PFKL: variants seen among roughly 807,000 people sequenced by gnomAD.
PFKL encodes the protein ATP-dependent 6-phosphofructokinase, liver type.
Under a neutral mutation model 92.1 loss-of-function variants are expected in PFKL, and 74 were observed. The observed-to-expected ratio is 0.80, with a 90% confidence interval of 0.67 to 0.97. The LOEUF (loss-of-function observed/expected upper bound fraction) is 0.97, where lower values mean the gene tolerates loss of function less well. Among genes scored for constraint, PFKL ranks in the 50% least tolerant of loss-of-function variants. The pLI is 0.00. For synonymous variants in PFKL, 494 were observed against 456.4 expected, an observed-to-expected ratio of 1.08 and a Z score of -1.05; for missense variants, 1,028 against 1,116.6, an observed-to-expected ratio of 0.92 and a Z score of 1.13.
chr21:44,312,757 C>G lies in PFKL; in HGVS notation c.428-221C>G, dbSNP rs2047084382. ...ACCCTGATGTGAGGCCTTGGCCGCT[C>G]TGCAAGGCACCCCAGAGGTCCCCCG... On this transcript the variant is annotated intron_variant, in intron 4 of 21. Transcript: ENST00000349048. 2.0e-5 allele frequency among the ~76,000 whole-genome samples: 3 copies of G among 152,334 alleles called. No individual in the cohort carries two copies. In the South Asian group the frequency reaches 6.2e-4, roughly 32 times the overall value.
intron 7 of PFKL, chr21:44,314,859 C>T (rs896625818): frequency 2.0e-5 from 3 of 152,302 alleles, no homozygotes; most frequent in East Asian, 1.9e-4. Flanking sequence ...CTAGCTCTGT[C>T]CTCTGTGCGC....
At chr21:44,311,868 C>G (rs898027780) in intron 3 of PFKL, among the ~76,000 whole-genome samples, 5 of 152,198 alleles carry the variant, frequency 3.3e-5, no homozygotes, top group African/African-American at 9.7e-5. Context: ...CACTCTATTA[C>G]CTTGGGGCTT....
chr21:44,322,024 C>T, intron 13 of PFKL, 109 bp from the exon 14 acceptor site: 1 of 1,454,296 alleles, frequency 6.9e-7, no homozygotes, highest in Non-Finnish European at 9.3e-7. Context: ...CTCAGCTCTG[C>T]CTGCAGCGTG....
intron 12 of PFKL, 141 bp from the exon 13 acceptor site, chr21:44,321,588 G>T: frequency 2.8e-6 from 2 of 714,248 alleles, no homozygotes; most frequent in Non-Finnish European, 2.1e-6. Flanking sequence ...CAGGGCAGTT[G>T]GGCGGTGTGC....
Position 44,326,742 on chromosome 21 carries a change from G to C in PFKL, c.2223G>C (p.Trp741Cys). The change falls in exon 22 of 22, where the codon TGG becomes TGC. Residue 741 changes from tryptophan (W) to cysteine (C), a missense_variant. Transcript: ENST00000349048. ...FEHRMPREQW[W>C]LSLRLMLKML... Reference sequence around the variant, plus strand: ...ACCGCATGCCACGGGAGCAGTGGTGGCTGAGCCTGCGGCTCATGCTGAAGA... The same window carrying C: ...ACCGCATGCCACGGGAGCAGTGGTGCCTGAGCCTGCGGCTCATGCTGAAGA... The C allele has an allele frequency of 6.2e-7, 1 of 1,611,348 alleles. No homozygotes were observed. Among genetic ancestry groups the C allele is most frequent in the Non-Finnish European group, 8.5e-7 (1 of 1,179,290 alleles).
At chr21:44,311,167 CACAG>C in intron 3 of PFKL, 84 bp downstream of exon 3, 1 of 1,036,798 alleles carries the variant, frequency 9.6e-7, no homozygotes, top group Non-Finnish European at 1.4e-6. Context: ...CAGACACACA[CACAG>C]AGACAGACAC....
chr21:44,309,204 G>A (rs1007703429), intron 2 of PFKL, among the ~76,000 whole-genome samples: 1 of 152,116 alleles, frequency 6.6e-6, no homozygotes, highest in Non-Finnish European at 1.5e-5. Context: ...CAGGGAGACC[G>A]ATCCCTTCTC....
At chr21:44,326,429 G>C (rs1027723916) in intron 21 of PFKL, among the ~76,000 whole-genome samples, 165 bp downstream of exon 21, 1 of 152,188 alleles carries the variant, frequency 6.6e-6, no homozygotes, top group African/African-American at 2.4e-5. Flanking sequence ...CAGGGACCAT[G>C]CCCAAGTCTT....
chr21:44,306,491 G>C (rs2040947593), intron 1 of PFKL, among the ~76,000 whole-genome samples, 190 bp from the exon 2 acceptor site: 1 of 151,764 alleles, frequency 6.6e-6, no homozygotes, highest in Non-Finnish European at 1.5e-5. Flanking sequence ...AGATGGGGAG[G>C]GCGTCCGGGC....
chr21:44,303,228 G>A (rs1003409156), intron 1 of PFKL, among the ~76,000 whole-genome samples: 5 of 138,916 alleles, frequency 3.6e-5, no homozygotes, highest in African/African-American at 1.5e-4. Context: ...GCGAGACTCT[G>A]TTGCAAAAAA....
rs1354130432 is a variant in PFKL at position 44,326,932 on chromosome 21, C to T, written c.*70C>T. 2 of 1,431,332 alleles carry T rather than the reference C, an allele frequency of 1.4e-6. No individual in the cohort carries two copies. The highest frequency in any genetic ancestry group is 2.8e-5 in the African/African-American group (2 of 70,858). 88.7% of individuals were successfully genotyped at this position (1,431,332 alleles called of 1,614,324 possible). On this transcript the variant is annotated 3_prime_UTR_variant, in exon 22 of 22. Coordinates refer to ENST00000349048, the MANE Select transcript of PFKL (RefSeq NM_002626.6). ...CGCAGCGCCAGGGCTCAGATGGGGC[C>T]TGGGCTGTTGTGTCTGGAGCCTGCA... is the stretch of plus-strand genomic sequence containing the variant.
At chr21:44,304,407 C>T (rs1246458992) in intron 1 of PFKL, 37 of 1,254,498 alleles carry the variant, frequency 2.9e-5, no homozygotes, top group Admixed American at 5.3e-5. Flanking sequence ...GGCCTGGGTG[C>T]GCTGCTCCTG....
In PFKL at chr21:44,322,217, T is replaced by G. The variant is rs1295699790; in HGVS notation, c.1409+14T>G. On this transcript the variant is annotated intron_variant, in intron 14 of 21. Coordinates refer to ENST00000349048, the MANE Select transcript of PFKL (RefSeq NM_002626.6). ...GGGGACCAAGAGGTGAGCTGCCTGC[T>G]GCGGGTACCTGGGGGCAGGAGGGCC... 1 of 1,595,586 alleles carries G rather than the reference T, an allele frequency of 6.3e-7. No homozygotes were observed. Among genetic ancestry groups the G allele is most frequent in the South Asian group, 1.1e-5 (1 of 90,548 alleles).
At chr21:44,322,066 G>C in intron 13 of PFKL, 67 bp from the exon 14 acceptor site, 1 of 1,534,406 alleles carries the variant, frequency 6.5e-7, no homozygotes, top group South Asian at 1.2e-5. Flanking sequence ...CCGGGCACAG[G>C]CCCACCCCTG....
intron 1 of PFKL, chr21:44,304,321 C>G (rs1355066327): frequency 7.8e-7 from 1 of 1,288,764 alleles, no homozygotes; most frequent in Non-Finnish European, 1.0e-6. Context: ...GGCTGTGACC[C>G]TGGGCTGACC....
In PFKL at chr21:44,301,638, C is replaced by T. The variant is rs1021731005; in HGVS notation, c.85+1448C>T. On this transcript the variant is annotated intron_variant, in intron 1 of 21. Transcript: ENST00000349048. The stretch of plus-strand genomic sequence containing the variant: ...GGAGGGTGAACTCGGGAAGCTCCAT[C>T]CCATGAGATTAGACAAGAAAGGCCC... Among the ~76,000 whole-genome samples, 4 of 152,110 alleles carry T rather than the reference C, an allele frequency of 2.6e-5. No individual in the cohort carries two copies. In the South Asian group the frequency reaches 8.3e-4, roughly 32 times the overall value.
rs148312759 is a variant in PFKL, at chr21:44,309,784, C to T, written c.160-1222C>T. Among the ~76,000 whole-genome samples, 174 of 152,308 alleles carry T rather than the reference C, an allele frequency of 1.1e-3. 1 individual carries two copies. Among genetic ancestry groups the T allele is most frequent in the African/African-American group, 4.1e-3 (171 of 41,570 alleles). On this transcript the variant is annotated intron_variant, in intron 2 of 21. Transcript: ENST00000349048. ...GGGGCCAGGCTGGCCTGGCCTGAGC[C>T]GGAGGAAGTAGCTCTGTGGTCCCTC...
chr21:44,322,747 G>A (rs746858022), intron 14 of PFKL, among the ~76,000 whole-genome samples: 2 of 152,228 alleles, frequency 1.3e-5, no homozygotes, highest in Non-Finnish European at 2.9e-5. Flanking sequence ...TCGGTTGCCT[G>A]GCCGGTGCCT....
chr21:44,324,531 G>T lies in PFKL; in HGVS notation c.1691G>T (p.Arg564Leu), dbSNP rs768397148. The T allele has an allele frequency of 6.2e-7, 1 of 1,613,458 alleles. No homozygotes were observed. Among genetic ancestry groups the T allele is most frequent in the Non-Finnish European group, 8.5e-7 (1 of 1,179,906 alleles). Residue 564 changes from arginine to leucine, a missense_variant, in exon 17 of 22, where the codon CGC (arginine) becomes CTC (leucine). Physicochemically the swap from Arg to Leu is moderately radical, Grantham distance 102. Transcript: ENST00000349048. ...RIKQSASGTK[R>L]RVFIVETMGG... ...AAACAGTCTGCCTCGGGGACCAAGC[G>T]CCGTGTGTTCATCGTGGAGACCATG...
Sources: allele counts gnomAD v4.1 joint callset (sites outside exome capture counted in the v4.1 genomes callset), GRCh38; gene constraint gnomAD v4.1.1; transcripts MANE v1.5; gene names NCBI Gene and HGNC (gene_info 2026-07-23, HGNC 2026-07-21).